The following SPOPL variants were observed in gnomAD, a reference collection of about 807,000 sequenced individuals.
SPOPL encodes the protein speckle type BTB/POZ protein like.
In SPOPL, 23 loss-of-function variants were observed where a neutral mutation model predicts 53.8. The ratio of observed to expected loss-of-function variants is 0.43; its 90% CI spans 0.31 to 0.61. SPOPL has a LOEUF of 0.61. Among genes scored for constraint, SPOPL ranks in the 20% least tolerant of loss-of-function variants. SPOPL has a pLI of 0.12. For missense variants in SPOPL, 442 were observed against 466.9 expected (o/e 0.95, Z 0.49); for synonymous variants, 164 against 149.7 (o/e 1.10, Z -0.70).
At chr2:138,526,688 T>C (rs1237527582) in intron 1 of SPOPL, among the ~76,000 whole-genome samples, 1 of 151,914 alleles carries the variant, frequency 6.6e-6, no homozygotes, top group Admixed American at 6.6e-5. Flanking sequence ...TGTCTGAAAA[T>C]GTCCTTTATT....
At chr2:138,507,232 A>G (rs1684233070) in intron 1 of SPOPL, among the ~76,000 whole-genome samples, 1 of 152,144 alleles carries the variant, frequency 6.6e-6, no homozygotes, top group African/African-American at 2.4e-5. Context: ...AATATGAACC[A>G]TATCTGTCTT....
chr2:138,564,677 T>C (rs1383520121), intron 8 of SPOPL, 31 bp from the exon 9 acceptor site: 2 of 1,611,112 alleles, frequency 1.2e-6, no homozygotes, highest in Admixed American at 1.7e-5. Flanking sequence ...TTGGAGTAAA[T>C]GTTTAATGGT....
intron 1 of SPOPL, among the ~76,000 whole-genome samples, chr2:138,535,693 A>C (rs1261731325): frequency 6.6e-6 from 1 of 151,672 alleles, no homozygotes; most frequent in African/African-American, 2.4e-5. Flanking sequence ...AAATTTGAGA[A>C]GTTTTCAGCC....
chr2:138,550,605 G>T lies in SPOPL; in HGVS notation c.200+1G>T. The T allele has an allele frequency of 6.3e-7, 1 of 1,590,898 alleles. No homozygotes were observed. The highest frequency in any genetic ancestry group is 8.6e-7 in the Non-Finnish European group (1 of 1,167,534). On this transcript the variant is annotated splice_donor_variant, in intron 3 of 10. Coordinates refer to ENST00000280098, the MANE Select transcript of SPOPL (RefSeq NM_001001664.3). LOFTEE classifies it high-confidence loss of function. ...CTGGCCCAAGTGACAAAATGAAATG[G>T]TAAGATTTTTGTTTGCTTTGAATTT...
In SPOPL at chr2:138,550,346, A is replaced by C. The variant is rs755666984; in HGVS notation, c.78+52A>C. 5.6e-6 allele frequency: 9 copies of C among 1,604,404 alleles called. No homozygotes were observed. In the East Asian group the frequency reaches 1.8e-4, roughly 32 times the overall value. On this transcript the variant is annotated intron_variant, in intron 2 of 10. Transcript: ENST00000280098. ...TTATGTCACTTATAAATTTTACAGTATGTTGAGAATAGTATTGTGAAACAC... is the reference window on the plus strand; with the variant it reads ...TTATGTCACTTATAAATTTTACAGTCTGTTGAGAATAGTATTGTGAAACAC...
chr2:138,516,881 T>C (rs1181735699), intron 1 of SPOPL, among the ~76,000 whole-genome samples: 1 of 152,232 alleles, frequency 6.6e-6, no homozygotes, highest in South Asian at 2.1e-4. Context: ...TCTGCTTTAA[T>C]TGAGTATTTA....
At chr2:138,516,851 A>C (rs754278387) in intron 1 of SPOPL, among the ~76,000 whole-genome samples, 2 of 152,204 alleles carry the variant, frequency 1.3e-5, no homozygotes, top group African/African-American at 2.4e-5. Flanking sequence ...AAAGAATATT[A>C]TTTGAGCAGT....
chr2:138,508,818 C>T (rs1301200219), intron 1 of SPOPL, among the ~76,000 whole-genome samples: 1 of 152,032 alleles, frequency 6.6e-6, no homozygotes, highest in Non-Finnish European at 1.5e-5. Flanking sequence ...AAATCTTTTG[C>T]TCTTGCCTTC....
chr2:138,566,476 G>T (rs1222918313), intron 10 of SPOPL, among the ~76,000 whole-genome samples: 2 of 152,110 alleles, frequency 1.3e-5, no homozygotes, highest in African/African-American at 4.8e-5. Flanking sequence ...AATGAAAAAG[G>T]TGTAATTGGT....
chr2:138,518,059 A>AG (rs1684481178), intron 1 of SPOPL, among the ~76,000 whole-genome samples: 3 of 151,470 alleles, frequency 2.0e-5, no homozygotes, highest in East Asian at 1.9e-4. Context: ...AAAAAAAAAA[A>AG]AAAAAAGAAA....
Position 138,569,195 on chromosome 2 carries a change from G to A in SPOPL, c.*115G>A. ...TTTCTGTTATTTTGTCCACAGAACA[G>A]AAGCTGAAAAAGCATATTGCTTGCA... On this transcript the variant is annotated 3_prime_UTR_variant, in exon 11 of 11. Coordinates refer to ENST00000280098, the MANE Select transcript of SPOPL (RefSeq NM_001001664.3). 1.6e-6 allele frequency: 2 copies of A among 1,222,860 alleles called. No individual in the cohort carries two copies. Among genetic ancestry groups the A allele is most frequent in the South Asian group, 1.5e-5 (1 of 64,938 alleles). The allele number at this position is 1,222,860 out of a possible 1,614,324, so 75.8% of individuals were successfully genotyped here.
At chr2:138,560,762 C>G in intron 7 of SPOPL, 43 bp from the exon 8 acceptor site, 1 of 1,329,904 alleles carries the variant, frequency 7.5e-7, no homozygotes. Flanking sequence ...TTTGTGTGTA[C>G]TTTTTTTTTT....
intron 1 of SPOPL, among the ~76,000 whole-genome samples, chr2:138,502,520 T>C (rs868790833): frequency 6.6e-6 from 1 of 152,218 alleles, no homozygotes; most frequent in Non-Finnish European, 1.5e-5. Flanking sequence ...CTGCATGCTC[T>C]GCCACCGCGC....
At chr2:138,560,416 T>C (rs1204765723) in intron 7 of SPOPL, among the ~76,000 whole-genome samples, 1 of 152,006 alleles carries the variant, frequency 6.6e-6, no homozygotes, top group Non-Finnish European at 1.5e-5. Context: ...ACAGATGTAT[T>C]TTATTTGGCT....
chr2:138,533,228 C>A (rs1000632971), intron 1 of SPOPL, among the ~76,000 whole-genome samples: 2 of 152,200 alleles, frequency 1.3e-5, no homozygotes, highest in Non-Finnish European at 2.9e-5. Flanking sequence ...AGCACTGATT[C>A]ACATTGGTCT....
intron 1 of SPOPL, among the ~76,000 whole-genome samples, chr2:138,546,895 C>T (rs1208307227): frequency 6.6e-6 from 1 of 152,172 alleles, no homozygotes; most frequent in Non-Finnish European, 1.5e-5. Flanking sequence ...TAACTACATC[C>T]TTTGAAGTAA....
Position 138,526,311 on chromosome 2 carries a change from T to C in SPOPL, c.-60-23846T>C, listed in dbSNP as rs73959460. ...CTAGTGGATTCTCATCTGATTGTTG[T>C]TGTTTCCTACTTTTCCTCTAAGGTT... On this transcript the variant is annotated intron_variant, in intron 1 of 10. Coordinates refer to ENST00000280098, the MANE Select transcript of SPOPL (RefSeq NM_001001664.3). Among the ~76,000 whole-genome samples, 1,431 of 152,276 alleles carry C rather than the reference T, an allele frequency of 9.4e-3. 27 individuals are homozygous for C. The highest frequency in any genetic ancestry group is 0.033 in the African/African-American group (1,364 of 41,550).
At chr2:138,550,695 G>A (rs1003543941) in intron 3 of SPOPL, 91 bp downstream of exon 3, 3 of 1,499,584 alleles carry the variant, frequency 2.0e-6, no homozygotes, top group South Asian at 2.7e-5. Flanking sequence ...TCCTGAATGA[G>A]TATTAATGTA....
At chr2:138,532,312 G>A (rs1684826520) in intron 1 of SPOPL, among the ~76,000 whole-genome samples, 1 of 151,990 alleles carries the variant, frequency 6.6e-6, no homozygotes, top group Non-Finnish European at 1.5e-5. Context: ...CTCTGTCTGG[G>A]TAAAGTGTGG....
Sources: allele counts gnomAD v4.1 joint callset (sites outside exome capture counted in the v4.1 genomes callset), GRCh38; gene constraint gnomAD v4.1.1; transcripts MANE v1.5; gene names NCBI Gene and HGNC (gene_info 2026-07-23, HGNC 2026-07-21).